The following FLII variants were observed in gnomAD, a reference collection of about 807,000 sequenced individuals.
The protein encoded by FLII is protein flightless-1 homolog.
FLII carries 101 observed loss-of-function variants against 156.2 expected under a neutral mutation model. The observed-to-expected ratio is 0.65, with a 90% confidence interval of 0.55 to 0.76. The LOEUF is 0.76. Ranked by LOEUF, FLII falls within the 30% of genes least tolerant of loss-of-function variation. FLII has a pLI of 0.00. For synonymous variants in FLII, 767 were observed against 685.8 expected (o/e 1.12, Z -1.85); for missense variants, 1,675 against 1,682.8 (o/e 1.00, Z 0.08).
chr17:18,252,261 G>T (rs993767011), intron 10 of FLII, 115 bp from the exon 11 acceptor site: 7 of 1,040,684 alleles, frequency 6.7e-6, no homozygotes, highest in Admixed American at 2.1e-5. Flanking sequence ...CAGGGAACTG[G>T]GTTCTCCTCC....
chr17:18,256,470 C>T, intron 3 of FLII, 56 bp downstream of exon 3: 1 of 1,416,136 alleles, frequency 7.1e-7, no homozygotes, highest in South Asian at 1.2e-5. Flanking sequence ...GCTTCACGTC[C>T]CTGACCGGAC....
Position 18,252,030 on chromosome 17 carries a change from G to A in FLII, c.1215C>T (p.Ala405=), listed in dbSNP as rs1484669045. 6.2e-7 allele frequency: 1 copy of A among 1,612,864 alleles called. No homozygotes were observed. The highest frequency in any genetic ancestry group is 8.5e-7 in the Non-Finnish European group (1 of 1,179,700). The part of the protein sequence containing the change: ...SLQNQLRLAG[A]SPATVAAAAA... ...CAGCTGCAGCCACGGTAGCAGGAGA[G>A]GCACCCGCTAGCCGCAGCTGGTTCT... is the stretch of plus-strand genomic sequence containing the variant. The change falls in exon 11 of 30, where the codon GCC becomes GCT. Residue 405 remains alanine, a synonymous_variant. Transcript: ENST00000327031.
rs779455070 is a variant in FLII at position 18,247,853 on chromosome 17, G to A, written c.2296-5C>T. The A allele has an allele frequency of 1.8e-5, 29 of 1,613,850 alleles. No homozygotes were observed. The highest frequency in any genetic ancestry group is 2.3e-5 in the Non-Finnish European group (27 of 1,179,996). ...CGTGTCCAGCAGACTCTGCAGCTGC[G>A]GACCGGGAGTCTGGAGGTCAAAGCC... On this transcript the variant is annotated splice_region_variant and splice_polypyrimidine_tract_variant and intron_variant, in intron 19 of 29. Coordinates refer to ENST00000327031, the MANE Select transcript of FLII (RefSeq NM_002018.4).
In FLII at chr17:18,247,363, A is replaced by G. The variant is rs773450072; in HGVS notation, c.2488-6T>C. On this transcript the variant is annotated splice_polypyrimidine_tract_variant and splice_region_variant and intron_variant, in intron 20 of 29. Transcript: ENST00000327031. Reference sequence around the variant, plus strand: ...TTGAACTTGGCCTTGAACACCTGCCAGGGAGGCCATCAACTAACCATGAGG... The same window carrying G: ...TTGAACTTGGCCTTGAACACCTGCCGGGGAGGCCATCAACTAACCATGAGG... 2.5e-6 allele frequency: 4 copies of G among 1,595,960 alleles called. No homozygotes were observed. The highest frequency in any genetic ancestry group is 4.5e-5 in the East Asian group (2 of 44,524).
chr17:18,254,291 G>C, intron 6 of FLII, 109 bp from the exon 7 acceptor site: 1 of 916,946 alleles, frequency 1.1e-6, no homozygotes, highest in Non-Finnish European at 1.6e-6. Context: ...TAGGTGTGAG[G>C]TCACATCTGG....
chr17:18,252,078 C>A lies in FLII; in HGVS notation c.1167G>T (p.Trp389Cys). 1 of 1,613,454 alleles carries A rather than the reference C, an allele frequency of 6.2e-7. No homozygotes were observed. Among genetic ancestry groups the A allele is most frequent in the Non-Finnish European group, 8.5e-7 (1 of 1,180,050 alleles). Residue 389 changes from tryptophan (W) to cysteine (C), a missense_variant, in exon 11 of 30, where the codon TGG (tryptophan) becomes TGT (cysteine). Trp to Cys is a radical substitution (Grantham distance 215). Transcript: ENST00000327031. ...TCTGCAGCGAGAAGTCGATGTTGTA[C>A]CACTCAGCGGCACGGTCTGCGGGCT... ...PPKPADRAAE[W>C]YNIDFSLQNQ... is the part of the protein sequence containing the mutation.
chr17:18,250,865 C>G lies in FLII; in HGVS notation c.1749G>C (p.Met583Ile). 6.2e-7 allele frequency: 1 copy of G among 1,613,650 alleles called. No homozygotes were observed. Among genetic ancestry groups the G allele is most frequent in the Non-Finnish European group, 8.5e-7 (1 of 1,179,700 alleles). ...GCAGGAACTCCTCGCTCTCATCGCC[C>G]ATCTCCTCCCGGACAGTGCGGCACT... ...GAECRTVREE[M>I]GDESEEFLQV... is the part of the protein sequence containing the mutation. Residue 583 changes from methionine to isoleucine, a missense_variant, in exon 14 of 30, where the codon ATG (methionine) becomes ATC (isoleucine). Physicochemically the swap from Met to Ile is conservative, Grantham distance 10 (BLOSUM62 1). This residue lies in a region of FLII where 1,332 missense variants were observed against 1,269.3 expected (regional missense o/e 1.05). Coordinates refer to ENST00000327031, the MANE Select transcript of FLII (RefSeq NM_002018.4).
rs1466105500 is a variant in FLII, at chr17:18,252,111, C to A, written c.1134G>T (p.Met378Ile). The A allele has an allele frequency of 6.2e-7, 1 of 1,613,286 alleles. No homozygotes were observed. The highest frequency in any genetic ancestry group is 2.2e-5 in the East Asian group (1 of 44,902). ...CGGCACGGTCTGCGGGCTTGGGCGGCATGACCAGGTTGGGGTTCTCCCGCA... is the reference window on the plus strand; with the variant it reads ...CGGCACGGTCTGCGGGCTTGGGCGGAATGACCAGGTTGGGGTTCTCCCGCA... ...LDVRENPNLV[M>I]PPKPADRAAE... Residue 378 changes from methionine (M) to isoleucine (I), a missense_variant, in exon 11 of 30, where the codon ATG becomes ATT. Met to Ile is a conservative substitution (Grantham distance 10, BLOSUM62 1). Coordinates refer to ENST00000327031, the MANE Select transcript of FLII (RefSeq NM_002018.4).
chr17:18,250,750 C>G lies in FLII; in HGVS notation c.1776+88G>C, dbSNP rs539384737. The G allele has an allele frequency of 4.2e-6, 6 of 1,415,636 alleles. No homozygotes were observed. In the South Asian group the frequency reaches 7.7e-5, roughly 18 times the overall value. 87.7% of individuals were successfully genotyped at this position (1,415,636 alleles called of 1,614,324 possible). A position where few individuals can be genotyped will look rare whatever the true frequency, so the allele number is the denominator to read the frequency against. On this transcript the variant is annotated intron_variant, in intron 14 of 29. Coordinates refer to ENST00000327031, the MANE Select transcript of FLII (RefSeq NM_002018.4). ...CCAGCTCCCTGCCTGCCCACCTGTTCTGCCTACCTGCCTTGGGCCCACTGC... is the reference window on the plus strand; with the variant it reads ...CCAGCTCCCTGCCTGCCCACCTGTTGTGCCTACCTGCCTTGGGCCCACTGC...
At chr17:18,247,116 T>A in intron 21 of FLII, 53 bp downstream of exon 21, 32 of 1,256,132 alleles carry the variant, frequency 2.5e-5, no homozygotes, top group African/African-American at 4.9e-5. Flanking sequence ...GGCCCCGCCC[T>A]CGGCCTGCCC....
rs889623808 is a variant in FLII at position 18,256,513 on chromosome 17, G to A, written c.246+13C>T. 58 of 1,550,216 alleles carry A rather than the reference G, an allele frequency of 3.7e-5. No individual in the cohort carries two copies. Among genetic ancestry groups the A allele is most frequent in the East Asian group, 2.9e-4 (12 of 40,922 alleles). On this transcript the variant is annotated intron_variant, in intron 3 of 29. Transcript: ENST00000327031. The stretch of plus-strand genomic sequence containing the variant: ...CCAACCCCAAGCTCGGTGGCCTCCC[G>A]GCCAGCACTCACGCGCAGCGATGGC...
In FLII at chr17:18,251,330, G is replaced by A; in HGVS notation, c.1531C>T (p.Pro511Ser). The change falls in exon 13 of 30, where the codon CCT becomes TCT. Residue 511 changes from proline (P) to serine (S), a missense_variant. Around this residue, in one of 2 missense-constraint regions of FLII, gnomAD observed 1,332 missense variants for 1,269.3 expected, o/e 1.05. Transcript: ENST00000327031. ...TGGAAGGCTTCCTCCACCAGCACAG[G>A]CACGAAGTTCTCTATCTGCCAGATG... The part of the protein sequence containing the change: ...LTIWQIENFV[P>S]VLVEEAFHGK... 3.7e-6 allele frequency: 6 copies of A among 1,613,948 alleles called. No homozygotes were observed. The highest frequency in any genetic ancestry group is 5.1e-6 in the Non-Finnish European group (6 of 1,180,038).
chr17:18,253,226 A>C lies in FLII; in HGVS notation c.1013+75T>G, dbSNP rs2048321340. On this transcript the variant is annotated intron_variant, in intron 9 of 29. Transcript: ENST00000327031. Reference sequence around the variant, plus strand: ...ATTTTGTCTGACTTGCACAGACCACAAGGTGGGCTCTGACTACGATCCCGG... The same window carrying C: ...ATTTTGTCTGACTTGCACAGACCACCAGGTGGGCTCTGACTACGATCCCGG... 2.0e-6 allele frequency: 3 copies of C among 1,491,688 alleles called. No homozygotes were observed. The African/African-American group carries it at 4.1e-5, about 21-fold the overall frequency. 92.4% of individuals were successfully genotyped at this position (1,491,688 alleles called of 1,614,324 possible). A position where few individuals can be genotyped will look rare whatever the true frequency, so the allele number is the denominator to read the frequency against.
chr17:18,247,627 G>T, intron 20 of FLII, 30 bp downstream of exon 20: 4 of 1,543,126 alleles, frequency 2.6e-6, no homozygotes, highest in Non-Finnish European at 1.7e-6. Flanking sequence ...GAAGGATCCT[G>T]GGGAGGGGCC....
Position 18,254,664 on chromosome 17 carries a change from G to A in FLII, c.432C>T (p.Asn144=), listed in dbSNP as rs2048365266. The A allele has an allele frequency of 1.9e-6, 3 of 1,614,006 alleles. No individual in the cohort carries two copies. Among genetic ancestry groups the A allele is most frequent in the Non-Finnish European group, 2.5e-6 (3 of 1,179,942 alleles). ...GGTCAGTGAGGTTGATGAAGAGCTG[G>A]TTGGGGATGGTGTCGATGCTACGGG... is the stretch of plus-strand genomic sequence containing the variant. The part of the protein sequence containing the change: ...LSHNSIDTIP[N]QLFINLTDLL... The change falls in exon 6 of 30, where the codon AAC becomes AAT. Residue 144 remains asparagine (N), a synonymous_variant. Coordinates refer to ENST00000327031, the MANE Select transcript of FLII (RefSeq NM_002018.4).
chr17:18,257,950 G>A (rs1317063148), intron 1 of FLII, among the ~76,000 whole-genome samples: 1 of 152,098 alleles, frequency 6.6e-6, no homozygotes, highest in African/African-American at 2.4e-5. Context: ...GAACCACCCC[G>A]CCGCCCCACC....
At chr17:18,248,106 G>A (rs2048147497) in intron 18 of FLII, 73 bp from the exon 19 acceptor site, 1 of 1,059,504 alleles carries the variant, frequency 9.4e-7, no homozygotes, top group Middle Eastern at 2.1e-4. Flanking sequence ...CCTCTGCTCT[G>A]GAACCAGCCC....
chr17:18,245,576 CATG>C lies in FLII; in HGVS notation c.3585_3587del (p.Ile1195del), dbSNP rs1245940660. On this transcript the variant is annotated inframe_deletion, in exon 28 of 30. Coordinates refer to ENST00000327031, the MANE Select transcript of FLII (RefSeq NM_002018.4). The stretch of plus-strand genomic sequence containing the variant: ...ACACCTCTTGGCCATTGTCTAGCAA[CATG>C]ATGTCATCATCTGCCAGGTCATCTT... 7.4e-6 allele frequency: 12 copies of C among 1,613,956 alleles called. No homozygotes were observed. The highest frequency in any genetic ancestry group is 1.0e-5 in the Non-Finnish European group (12 of 1,180,002).
In FLII at chr17:18,246,599, G is replaced by T; in HGVS notation, c.3046C>A (p.Leu1016Met). The T allele has an allele frequency of 6.2e-7, 1 of 1,613,866 alleles. No individual in the cohort carries two copies. The highest frequency in any genetic ancestry group is 8.5e-7 in the Non-Finnish European group (1 of 1,179,882). Residue 1016 changes from leucine to methionine, a missense_variant, in exon 23 of 30, where the codon CTG (leucine) becomes ATG (methionine). Physicochemically the swap from Leu to Met is conservative, Grantham distance 15. This residue lies in a region of FLII where 1,332 missense variants were observed against 1,269.3 expected (regional missense o/e 1.05). Transcript: ENST00000327031. ...CGCGGGGCTGCCAGGCACACCTCCA[G>T]CTTCCCAGGGAAGAGGCTCTCGAAC... is the stretch of plus-strand genomic sequence containing the variant. ...KKFESLFPGK[L>M]EVVRMTQQQE...
Sources: allele counts gnomAD v4.1 joint callset (sites outside exome capture counted in the v4.1 genomes callset), GRCh38; gene constraint gnomAD v4.1.1; regional missense constraint gnomAD v4.1.1; transcripts MANE v1.5; gene names NCBI Gene and HGNC (gene_info 2026-07-23, HGNC 2026-07-21).